DOCK1: variants seen among roughly 807,000 people sequenced by gnomAD.
DOCK1 encodes the protein dedicator of cytokinesis protein 1.
DOCK1 carries 138 observed loss-of-function variants against 262.7 expected under a neutral mutation model. The observed-to-expected ratio is 0.53, with a 90% CI of 0.46 to 0.61. The LOEUF (loss-of-function observed/expected upper bound fraction) is 0.61, where lower values mean the gene tolerates loss of function less well. Ranked by LOEUF, DOCK1 falls within the 20% of genes least tolerant of loss-of-function variation. The pLI, the probability that DOCK1 is intolerant of heterozygous loss-of-function variation, is 0.00. For synonymous variants in DOCK1, 866 were observed against 867.4 expected, an observed-to-expected ratio of 1.00 and a Z score of 0.03; for missense variants, 1,908 against 2,370.7, an observed-to-expected ratio of 0.80 and a Z score of 4.05.
At chr10:126,958,142 T>C (rs902608405) in intron 1 of DOCK1, among the ~76,000 whole-genome samples, 55,178 of 151,776 alleles carry the variant, frequency 0.36, 11,180 homozygotes, top group East Asian at 0.54. Flanking sequence ...TAGAATTATA[T>C]AAAAGTCACT....
intron 27 of DOCK1, among the ~76,000 whole-genome samples, chr10:127,201,046 A>G (rs1316471236): frequency 2.6e-5 from 4 of 152,232 alleles, no homozygotes; most frequent in Non-Finnish European, 2.9e-5. Context: ...CTCAACGCCT[A>G]CGAGGGAAAA....
chr10:127,019,085 G>A (rs1372344912), intron 13 of DOCK1: 5 of 485,428 alleles, frequency 1.0e-5, no homozygotes, highest in Admixed American at 7.7e-5. Context: ...TGAGGGGGGC[G>A]TGGGCACCCA....
intron 47 of DOCK1, among the ~76,000 whole-genome samples, chr10:127,428,545 GTGT>G (rs532543476): frequency 4.9e-4 from 73 of 149,516 alleles, no homozygotes; most frequent in Admixed American, 8.7e-4. Context: ...GTGGATTGTG[GTGT>G]TGTGTGGATT....
chr10:127,040,147 T>C (rs926851404), intron 19 of DOCK1, among the ~76,000 whole-genome samples: 1 of 152,216 alleles, frequency 6.6e-6, no homozygotes, highest in Non-Finnish European at 1.5e-5. Context: ...TGGGAGCCTG[T>C]TGGCAGGGAA....
Position 127,037,834 on chromosome 10 carries a change from G to T in DOCK1, c.2010+18G>T. The stretch of plus-strand genomic sequence containing the variant: ...TAGTGAAGGTAACATGGAGCCCAAA[G>T]GGACTTTTTGGGTCTTTTTTTTTTT... On this transcript the variant is annotated intron_variant, in intron 19 of 51. Transcript: ENST00000623213. The T allele has an allele frequency of 1.3e-6, 2 of 1,485,188 alleles. No individual in the cohort carries two copies. Among genetic ancestry groups the T allele is most frequent in the East Asian group, 2.4e-5 (1 of 41,072 alleles). The allele number at this position is 1,485,188 out of a possible 1,614,324, so 92.0% of individuals were successfully genotyped here. A position where few individuals can be genotyped will look rare whatever the true frequency, so the allele number is the denominator to read the frequency against.
At chr10:127,370,062 C>T (rs72841518) in intron 33 of DOCK1, among the ~76,000 whole-genome samples, 5,311 of 152,180 alleles carry the variant, frequency 0.035, 152 homozygotes, top group Middle Eastern at 0.048. Flanking sequence ...TCCCACCCAC[C>T]TCCCCCTGCA....
chr10:126,997,841 G>A, intron 7 of DOCK1: 1 of 477,546 alleles, frequency 2.1e-6, no homozygotes, highest in Non-Finnish European at 3.8e-6. Flanking sequence ...TTGATTTATT[G>A]GATGGACACC....
At chr10:127,261,306 T>G (rs868126181) in intron 29 of DOCK1, among the ~76,000 whole-genome samples, 12 of 110,060 alleles carry the variant, frequency 1.1e-4, no homozygotes, top group African/African-American at 3.9e-4. Context: ...GGTGTGTGTG[T>G]GTGTGCCTGC....
At chr10:127,087,911 A>C (rs1179000047) in intron 23 of DOCK1, among the ~76,000 whole-genome samples, 1 of 152,208 alleles carries the variant, frequency 6.6e-6, no homozygotes, top group Non-Finnish European at 1.5e-5. Flanking sequence ...AGACCTTACA[A>C]GCTCCACAGC....
intron 27 of DOCK1, among the ~76,000 whole-genome samples, chr10:127,218,970 G>T (rs899824590): frequency 6.6e-6 from 1 of 152,066 alleles, no homozygotes; most frequent in Admixed American, 6.6e-5. Flanking sequence ...GCCAACCTAG[G>T]GCTAAGTGAA....
intron 29 of DOCK1, chr10:127,272,261 C>T (rs539332764): frequency 6.6e-6 from 1 of 152,328 alleles, no homozygotes; most frequent in African/African-American, 2.4e-5. Context: ...TGAACTCTGA[C>T]AGCTTGATCT....
intron 39 of DOCK1, 75 bp from the exon 40 acceptor site, chr10:127,404,250 A>G (rs1461265482): frequency 3.2e-5 from 42 of 1,292,768 alleles, no homozygotes; most frequent in Admixed American, 4.1e-5. Context: ...GCTTTTAAAG[A>G]GCCCGCAAGA....
In DOCK1 at chr10:127,106,266, C is replaced by T. The variant is rs761886659; in HGVS notation, c.2481C>T (p.Asn827=). ...TGAAATACTTACCAACGATCGTCAACGATGTGAAATTGGTGTTTGATCCCA... is the reference window on the plus strand; with the variant it reads ...TGAAATACTTACCAACGATCGTCAATGATGTGAAATTGGTGTTTGATCCCA... ...AALKYLPTIV[N]DVKLVFDPKE... is the part of the protein sequence containing the mutation. The change falls in exon 24 of 52, where the codon AAC becomes AAT. Residue 827 remains asparagine (N), a synonymous_variant. Coordinates refer to ENST00000623213, the MANE Select transcript of DOCK1 (RefSeq NM_001290223.2). 7.5e-6 allele frequency: 12 copies of T among 1,597,782 alleles called. 1 individual carries two copies. The highest frequency in any genetic ancestry group is 3.3e-4 in the Middle Eastern group (2 of 6,058).
chr10:127,237,369 A>AAC (rs1313624864), intron 27 of DOCK1, among the ~76,000 whole-genome samples: 71 of 151,458 alleles, frequency 4.7e-4, no homozygotes, highest in African/African-American at 1.7e-3. Flanking sequence ...TCAGGAAAAA[A>AAC]AAAAAAAAAG....
chr10:126,986,461 C>T (rs1002336825), intron 4 of DOCK1, among the ~76,000 whole-genome samples: 1 of 152,150 alleles, frequency 6.6e-6, no homozygotes, highest in Non-Finnish European at 1.5e-5. Context: ...CCTGTGGGGC[C>T]AGCTAGCCTA....
chr10:127,276,458 C>G (rs941060797), intron 29 of DOCK1, among the ~76,000 whole-genome samples: 1 of 152,136 alleles, frequency 6.6e-6, no homozygotes, highest in Admixed American at 6.5e-5. Flanking sequence ...CCAGAACTAT[C>G]GGCTGTTTGA....
At chr10:127,196,184 C>T (rs1343657121) in intron 27 of DOCK1, 1 of 150,346 alleles carries the variant, frequency 6.7e-6, no homozygotes, top group Non-Finnish European at 1.5e-5. Context: ...TGCTGCCCGC[C>T]CCCTCCACCG....
chr10:127,445,828 C>T (rs186014775), intron 50 of DOCK1, among the ~76,000 whole-genome samples: 33 of 152,310 alleles, frequency 2.2e-4, no homozygotes, highest in African/African-American at 7.7e-4. Flanking sequence ...ATTACCCAGC[C>T]GTAGAAAGGA....
At chr10:127,022,477 T>C (rs1291790139) in intron 13 of DOCK1, among the ~76,000 whole-genome samples, 2 of 152,086 alleles carry the variant, frequency 1.3e-5, no homozygotes, top group African/African-American at 4.8e-5. Context: ...GAGGCTGGAG[T>C]GCAGTGGCAG....
Sources: gnomAD v4.1 joint callset for allele counts (sites outside exome capture counted in the v4.1 genomes callset) on GRCh38, gnomAD v4.1.1 for gene constraint, MANE v1.5 for transcripts, NCBI Gene and HGNC (gene_info 2026-07-23, HGNC 2026-07-21) for gene names.